ARHGAP17: variants seen among roughly 807,000 people sequenced by gnomAD.
The protein encoded by ARHGAP17 is Rho GTPase activating protein 17, also known as rho GTPase-activating protein 17.
In ARHGAP17, 57 loss-of-function variants were observed where a neutral mutation model predicts 99.5. The observed-to-expected ratio is 0.57, with a 90% CI of 0.46 to 0.71. The LOEUF (loss-of-function observed/expected upper bound fraction) is 0.71. Among genes scored for constraint, ARHGAP17 ranks in the 30% least tolerant of loss-of-function variants. The pLI is 0.00. For synonymous variants in ARHGAP17, 417 were observed against 429.6 expected (o/e 0.97, Z 0.36); for missense variants, 1,000 against 1,122.4 (o/e 0.89, Z 1.56).
In ARHGAP17 at chr16:24,969,528, G is replaced by A. The variant is rs143944092; in HGVS notation, c.273-756C>T. 5.0e-3 allele frequency among the ~76,000 whole-genome samples: 769 copies of A among 152,314 alleles called. 3 individuals are homozygous for A. The highest frequency in any genetic ancestry group is 8.1e-3 in the Non-Finnish European group (548 of 68,030). On this transcript the variant is annotated intron_variant, in intron 4 of 19. Coordinates refer to ENST00000289968, the MANE Select transcript of ARHGAP17 (RefSeq NM_001006634.3). ...CCCTGCCCTCTCTGTCAGTATCCTC[G>A]TCTGTAAAATGGGAGTGATGTTGTG...
chr16:24,962,160 C>G (rs1019081170), intron 7 of ARHGAP17, among the ~76,000 whole-genome samples: 11 of 151,036 alleles, frequency 7.3e-5, no homozygotes, highest in Admixed American at 2.0e-4. Context: ...CACACACACA[C>G]AAAGAGAGAA....
At chr16:24,933,038 G>C (rs533343995) in intron 18 of ARHGAP17, among the ~76,000 whole-genome samples, 4 of 152,200 alleles carry the variant, frequency 2.6e-5, no homozygotes, top group African/African-American at 9.6e-5. Context: ...CATTTTCACA[G>C]AGAAGAAAAC....
chr16:24,985,844 CCATA>C (rs1385711135), intron 1 of ARHGAP17, among the ~76,000 whole-genome samples: 5 of 151,886 alleles, frequency 3.3e-5, no homozygotes, highest in African/African-American at 1.2e-4. Context: ...ACATGCACAC[CCATA>C]CACACACACA....
At chr16:24,964,931 G>A (rs571779076) in intron 6 of ARHGAP17, among the ~76,000 whole-genome samples, 43 of 151,486 alleles carry the variant, frequency 2.8e-4, no homozygotes, top group African/African-American at 1.0e-3. Flanking sequence ...AACACAACAA[G>A]ACTCCATGTC....
chr16:24,958,671 T>C (rs1383750395), intron 9 of ARHGAP17, among the ~76,000 whole-genome samples: 3 of 152,212 alleles, frequency 2.0e-5, no homozygotes, highest in Non-Finnish European at 4.4e-5. Flanking sequence ...AGCCAGAACC[T>C]GTGAGGATCT....
intron 1 of ARHGAP17, among the ~76,000 whole-genome samples, chr16:24,983,952 C>G (rs1053474576): frequency 6.6e-6 from 1 of 152,180 alleles, no homozygotes; most frequent in Admixed American, 6.5e-5. Context: ...TTTCCCTTGA[C>G]CTGGTGTGGC....
intron 19 of ARHGAP17, among the ~76,000 whole-genome samples, chr16:24,921,885 G>A (rs1195461478): frequency 6.6e-6 from 1 of 152,196 alleles, no homozygotes; most frequent in African/African-American, 2.4e-5. Context: ...CACAGAATAG[G>A]GGCTGTCTTG....
rs766509044 is a variant in ARHGAP17, at chr16:24,964,284, T to C, written c.486A>G (p.Ser162=). 1.9e-6 allele frequency: 3 copies of C among 1,613,700 alleles called. No individual in the cohort carries two copies. Among genetic ancestry groups the C allele is most frequent in the Non-Finnish European group, 1.7e-6 (2 of 1,179,794 alleles). Residue 162 remains serine, a synonymous_variant, in exon 7 of 20, where the codon TCA becomes TCG. Transcript: ENST00000289968. ...ATGGAAGCCCCTGAAAGTTGGTTCC[T>C]GAGGATTTGTGAGCTTGGTTCCACC... is the stretch of plus-strand genomic sequence containing the variant. ...RARWNQAHKS[S]GTNFQGLPSK... is the part of the protein sequence containing the mutation.
At position 24,931,315 on chromosome 16, in the gene ARHGAP17, G is replaced by A; in HGVS notation, c.1984C>T (p.His662Tyr). 3 of 1,524,144 alleles carry A rather than the reference G, an allele frequency of 2.0e-6. No homozygotes were observed. Among genetic ancestry groups the A allele is most frequent in the Admixed American group, 2.2e-5 (1 of 45,384 alleles). 94.4% of individuals were successfully genotyped at this position (1,524,144 alleles called of 1,614,324 possible). A position where few individuals can be genotyped will look rare whatever the true frequency, so the allele number is the denominator to read the frequency against. Reference protein sequence around the residue: ...GGQSSSGTSQHPPSLSPKPPT... With the variant: ...GGQSSSGTSQYPPSLSPKPPT... ...GGCTTTGGTGACAGACTGGGTGGATGCTGAGATGTTCCTGAAGAACTCTGG... is the reference window on the plus strand; with the variant it reads ...GGCTTTGGTGACAGACTGGGTGGATACTGAGATGTTCCTGAAGAACTCTGG... The change falls in exon 19 of 20, where the codon CAT becomes TAT. Residue 662 changes from histidine (H) to tyrosine (Y), a missense_variant. His to Tyr is a moderately conservative substitution (Grantham distance 83). This residue lies in a region of ARHGAP17 where 528 missense variants were observed against 511.4 expected (regional missense o/e 1.03). Coordinates refer to ENST00000289968, the MANE Select transcript of ARHGAP17 (RefSeq NM_001006634.3).
At chr16:24,983,309 T>G (rs2141385080) in intron 1 of ARHGAP17, among the ~76,000 whole-genome samples, 1 of 144,516 alleles carries the variant, frequency 6.9e-6, no homozygotes, top group East Asian at 2.0e-4. Flanking sequence ...GCGGCCAGAT[T>G]TTTTTTTTTT....
chr16:24,997,714 G>A (rs1299945637), intron 1 of ARHGAP17, among the ~76,000 whole-genome samples: 1 of 152,144 alleles, frequency 6.6e-6, no homozygotes, highest in African/African-American at 2.4e-5. Context: ...TGAGGGGGAG[G>A]AGCTGAGGAT....
intron 1 of ARHGAP17, 85 bp from the exon 2 acceptor site, chr16:24,979,090 T>C (rs1454862016): frequency 4.0e-6 from 4 of 988,162 alleles, no homozygotes; most frequent in Non-Finnish European, 6.0e-6. Context: ...GCCTGGAGTT[T>C]AAAGCAAAAC....
At chr16:24,982,166 A>G (rs28575899) in intron 1 of ARHGAP17, among the ~76,000 whole-genome samples, 72,789 of 151,606 alleles carry the variant, frequency 0.48, 18,563 homozygotes, top group African/African-American at 0.66. Context: ...CACTTTGGGA[A>G]GCCAAGGTGG....
Position 24,955,113 on chromosome 16 carries a change from T to C in ARHGAP17, c.725-383A>G, listed in dbSNP as rs1450532990. 4.1e-5 allele frequency: 7 copies of C among 172,186 alleles called. No homozygotes were observed. Among genetic ancestry groups the C allele is most frequent in the Admixed American group, 2.5e-4 (4 of 15,904 alleles). The allele number at this position is 172,186 out of a possible 1,614,324, so 10.7% of individuals were successfully genotyped here. A position where few individuals can be genotyped will look rare whatever the true frequency, so the allele number is the denominator to read the frequency against. On this transcript the variant is annotated intron_variant, in intron 9 of 19. Coordinates refer to ENST00000289968, the MANE Select transcript of ARHGAP17 (RefSeq NM_001006634.3). The surrounding 1 kb of genome is among the most constrained non-coding windows in gnomAD (Gnocchi z 4.0). ...GTTGAAAAGAAATTTATTCTAGCCA[T>C]GCAAAGCCTTCTAGCTAGAGGACAA...
chr16:25,006,274 C>CT (rs1227235323), intron 1 of ARHGAP17, among the ~76,000 whole-genome samples: 10 of 150,298 alleles, frequency 6.7e-5, no homozygotes, highest in Non-Finnish European at 1.2e-4. Context: ...AACTCTGTCT[C>CT]TACTAAAAAT....
At chr16:24,934,539 G>A (rs1021448055) in intron 18 of ARHGAP17, among the ~76,000 whole-genome samples, 4 of 151,040 alleles carry the variant, frequency 2.6e-5, no homozygotes, top group East Asian at 2.0e-4. Context: ...CTGCAGGCTC[G>A]ACCTCCTGGG....
At chr16:24,935,741 G>C (rs554044343) in intron 17 of ARHGAP17, 102 bp from the exon 18 acceptor site, 349 of 1,272,034 alleles carry the variant, frequency 2.7e-4, no homozygotes, top group Middle Eastern at 1.3e-3. Flanking sequence ...TTTTCACTTC[G>C]GCAGGCAGGA....
chr16:24,941,233 A>G (rs2051303715), intron 16 of ARHGAP17, among the ~76,000 whole-genome samples: 1 of 152,194 alleles, frequency 6.6e-6, no homozygotes, highest in South Asian at 2.1e-4. Context: ...TTAATGTAAA[A>G]CTATTTCTAG....
At chr16:24,944,279 A>G (rs1478277840) in intron 14 of ARHGAP17, among the ~76,000 whole-genome samples, 2 of 151,932 alleles carry the variant, frequency 1.3e-5, no homozygotes, top group Non-Finnish European at 2.9e-5. Flanking sequence ...CAAAAAAAAA[A>G]AAAAAAAATC....
Sources: gnomAD v4.1 joint callset for allele counts (sites outside exome capture counted in the v4.1 genomes callset) on GRCh38, gnomAD v4.1.1 for gene constraint, gnomAD v4.1.1 regional missense constraint, Gnocchi (gnomAD v3.1) non-coding constraint, MANE v1.5 for transcripts, NCBI Gene and HGNC (gene_info 2026-07-23, HGNC 2026-07-21) for gene names.